Variants in CNTNAP2 observed in about 807,000 individuals in gnomAD.
CNTNAP2 encodes the protein contactin associated protein 2, also known as contactin-associated protein-like 2.
Under a neutral mutation model 155.2 loss-of-function variants are expected in CNTNAP2, and 98 were observed. The ratio of observed to expected loss-of-function variants is 0.63; its 90% CI spans 0.54 to 0.75. The LOEUF (loss-of-function observed/expected upper bound fraction) is 0.75, where lower values mean the gene tolerates loss of function less well. CNTNAP2 is among the 30% of genes least tolerant of loss of function. The pLI is 0.00. For missense variants in CNTNAP2, 1,727 were observed against 1,688.1 expected, an observed-to-expected ratio of 1.02 and a Z score of -0.40; for synonymous variants, 651 against 631.2, an observed-to-expected ratio of 1.03 and a Z score of -0.47.
intron 17 of CNTNAP2, among the ~76,000 whole-genome samples, chr7:148,166,662 G>GA (rs1035927105): frequency 1.3e-5 from 2 of 152,028 alleles, no homozygotes; most frequent in South Asian, 4.1e-4. Context: ...CATTTCACAA[G>GA]AAAAAATGAT....
intron 4 of CNTNAP2, among the ~76,000 whole-genome samples, chr7:147,107,898 T>C (rs1800799002): frequency 6.6e-6 from 1 of 152,172 alleles, no homozygotes; most frequent in Non-Finnish European, 1.5e-5. Flanking sequence ...TTTATATTAC[T>C]AATTTTGTAA....
intron 15 of CNTNAP2, among the ~76,000 whole-genome samples, chr7:148,104,823 A>T (rs937469765): frequency 1.3e-5 from 2 of 152,194 alleles, no homozygotes; most frequent in Non-Finnish European, 2.9e-5. Flanking sequence ...CAAACATCCA[A>T]ACAAATAATG....
At chr7:147,332,606 G>A (rs970076129) in intron 9 of CNTNAP2, among the ~76,000 whole-genome samples, 13 of 152,114 alleles carry the variant, frequency 8.5e-5, no homozygotes, top group Admixed American at 4.6e-4. Context: ...GCTCATGCCT[G>A]TAATCCCAGC....
chr7:148,030,666 GCTC>G (rs1802460258), intron 15 of CNTNAP2, among the ~76,000 whole-genome samples: 2 of 120,016 alleles, frequency 1.7e-5, no homozygotes, highest in Non-Finnish European at 3.3e-5. Flanking sequence ...TCTTTATCCA[GCTC>G]TTTTTTTTTT....
chr7:147,572,617 G>A (rs1009048280), intron 12 of CNTNAP2, among the ~76,000 whole-genome samples: 4 of 151,818 alleles, frequency 2.6e-5, no homozygotes, highest in African/African-American at 9.7e-5. Flanking sequence ...GGATGGCTAG[G>A]GACTGTTGTT....
intron 18 of CNTNAP2, among the ~76,000 whole-genome samples, chr7:148,205,785 C>T (rs770828745): frequency 2.6e-5 from 4 of 152,114 alleles, no homozygotes; most frequent in South Asian, 2.1e-4. Flanking sequence ...TAATTCCATT[C>T]GGCTCAACTC....
chr7:148,348,173 G>A (rs544523660), intron 21 of CNTNAP2, among the ~76,000 whole-genome samples: 23 of 152,222 alleles, frequency 1.5e-4, no homozygotes, highest in African/African-American at 4.6e-4. Context: ...CCACCCATCC[G>A]TCTCATTGAT....
chr7:146,713,228 A>G (rs1349746138), intron 1 of CNTNAP2, among the ~76,000 whole-genome samples: 1 of 152,176 alleles, frequency 6.6e-6, no homozygotes, highest in African/African-American at 2.4e-5. Context: ...ATTCACATCA[A>G]AGAAAGCTTT....
At chr7:148,374,442 A>G (rs1009160055) in intron 21 of CNTNAP2, among the ~76,000 whole-genome samples, 1 of 152,116 alleles carries the variant, frequency 6.6e-6, no homozygotes, top group African/African-American at 2.4e-5. Context: ...CATTGTCGCA[A>G]ATTCTCCTGC....
At chr7:147,262,543 G>A (rs922007765) in intron 8 of CNTNAP2, among the ~76,000 whole-genome samples, 2 of 152,170 alleles carry the variant, frequency 1.3e-5, no homozygotes, top group Non-Finnish European at 2.9e-5. Context: ...GGTGGCTCAC[G>A]CCTGTAATCT....
chr7:146,664,977 A>G (rs1800164953), intron 1 of CNTNAP2, among the ~76,000 whole-genome samples: 2 of 151,892 alleles, frequency 1.3e-5, no homozygotes, highest in African/African-American at 4.8e-5. Context: ...TTTGAGATGG[A>G]GTCTTGCTCT....
At chr7:146,712,331 C>CA (rs1353628281) in intron 1 of CNTNAP2, among the ~76,000 whole-genome samples, 23 of 122,266 alleles carry the variant, frequency 1.9e-4, no homozygotes, top group East Asian at 1.2e-3. Context: ...CTTATGTATA[C>CA]TATATAGTAT....
At chr7:147,533,074 T>G (rs1157697884) in intron 11 of CNTNAP2, among the ~76,000 whole-genome samples, 1 of 152,170 alleles carries the variant, frequency 6.6e-6, no homozygotes, top group African/African-American at 2.4e-5. Context: ...TACTGATGAG[T>G]AAATGTAGAC....
chr7:147,063,699 G>A (rs1206858135), intron 4 of CNTNAP2, among the ~76,000 whole-genome samples: 1 of 152,014 alleles, frequency 6.6e-6, no homozygotes, highest in Non-Finnish European at 1.5e-5. Context: ...CTTAAAAACA[G>A]TTATATTTGC....
At chr7:147,546,209 A>G (rs1197672011) in intron 11 of CNTNAP2, among the ~76,000 whole-genome samples, 1 of 152,210 alleles carries the variant, frequency 6.6e-6, no homozygotes, top group Non-Finnish European at 1.5e-5. Flanking sequence ...ACAAGAGCAC[A>G]GATGAGAGGA....
At chr7:146,311,727 C>T (rs1265318210) in intron 1 of CNTNAP2, 1 of 151,132 alleles carries the variant, frequency 6.6e-6, no homozygotes, top group Non-Finnish European at 1.5e-5. Context: ...ATTGGCTGAT[C>T]TGAGTGCAGT....
chr7:147,601,687 A>G (rs370907196), intron 12 of CNTNAP2, among the ~76,000 whole-genome samples: 4 of 148,096 alleles, frequency 2.7e-5, no homozygotes, highest in South Asian at 4.2e-4. Context: ...ACACCATCAT[A>G]GTAACATATC....
intron 1 of CNTNAP2, among the ~76,000 whole-genome samples, chr7:146,356,455 G>A (rs928955867): frequency 3.9e-5 from 6 of 152,028 alleles, no homozygotes; most frequent in East Asian, 1.9e-4. Context: ...GGGTGTGGGA[G>A]GTGTGTACTT....
At chr7:147,504,928 G>GCA (rs1210233251) in intron 11 of CNTNAP2, among the ~76,000 whole-genome samples, 3 of 151,558 alleles carry the variant, frequency 2.0e-5, no homozygotes, top group African/African-American at 4.9e-5. Context: ...GATTAAATAT[G>GCA]CACACACACA....
Sources: allele counts gnomAD v4.1 joint callset (sites outside exome capture counted in the v4.1 genomes callset), GRCh38; gene constraint gnomAD v4.1.1; transcripts MANE v1.5; gene names NCBI Gene and HGNC (gene_info 2026-07-23, HGNC 2026-07-21).